PUDP: variants seen among roughly 807,000 people sequenced by gnomAD.
PUDP encodes the protein pseudouridine 5'-phosphatase, also known as pseudouridine-5'-phosphatase.
Under a neutral mutation model 9.4 loss-of-function variants are expected in PUDP, and 8 were observed. The ratio of observed to expected loss-of-function variants is 0.85; its 90% CI spans 0.50 to 1.53. The LOEUF is 1.53. PUDP is among the 40% of genes most tolerant of loss of function. PUDP has a pLI of 0.00. For missense variants in PUDP, 188 were observed against 189.7 expected, an observed-to-expected ratio of 0.99 and a Z score of 0.05; for synonymous variants, 99 against 80.7, an observed-to-expected ratio of 1.23 and a Z score of -1.22.
At chrX:6,751,818 C>T (rs1343498823) in intron 3 of PUDP, among the ~76,000 whole-genome samples, 12 of 110,836 alleles carry the variant, frequency 1.1e-4, no homozygotes, top group South Asian at 7.8e-4. Context: ...GGAATTTAGC[C>T]GAGCACTCAA....
chrX:7,125,030 A>AAC lies in PUDP; in HGVS notation c.62-19193_62-19192insGT, dbSNP rs59567976. 1.3e-4 allele frequency among the ~76,000 whole-genome samples: 14 copies of AAC among 108,996 alleles called. No homozygotes were observed. In the East Asian group the frequency reaches 4.0e-3, roughly 31 times the overall value. 94.6% of individuals were successfully genotyped at this position (108,996 alleles called of 115,157 possible). On this transcript the variant is annotated intron_variant, in intron 1 of 3. Coordinates refer to ENST00000381077, the MANE Select transcript of PUDP (RefSeq NM_012080.5). The stretch of plus-strand genomic sequence containing the variant: ...TGACTTTCAAACATATTAAAAAAAA[A>AAC]CATAAAAAAAACATAAAAATAAACT...
chrX:7,133,243 C>T (rs963246348), intron 1 of PUDP, among the ~76,000 whole-genome samples: 4 of 111,629 alleles, frequency 3.6e-5, no homozygotes, highest in African/African-American at 1.3e-4. Context: ...CACTGGGAAA[C>T]GTAGACAGGA....
rs760485358 is a variant in PUDP at position 6,872,384 on chromosome X, A to C, written c.*247+104749T>G. Among the ~76,000 whole-genome samples the C allele has an allele frequency of 2.0e-4, 22 of 111,188 alleles. No homozygotes were observed. The East Asian group carries it at 5.7e-3, about 29-fold the overall frequency. ...GATCCACCTTAATGACCTCATTTTA[A>C]CGTGATTACCTTTGTAAAGACCCCA... On this transcript the variant is annotated intron_variant and NMD_transcript_variant, in intron 3 of 3. Coordinates refer to the PUDP transcript ENST00000655425.
chrX:6,969,507 T>G (rs1031392205), intron 3 of PUDP, among the ~76,000 whole-genome samples: 9 of 112,256 alleles, frequency 8.0e-5, no homozygotes, highest in African/African-American at 2.3e-4. Flanking sequence ...TAATAACAAC[T>G]GCAGGACACA....
chrX:6,822,931 T>C (rs557492766), intron 3 of PUDP, among the ~76,000 whole-genome samples: 3 of 111,270 alleles, frequency 2.7e-5, no homozygotes, highest in South Asian at 7.6e-4. Context: ...CTGTGTGATA[T>C]AAAAACTAAC....
At chrX:7,104,283 A>T (rs758144281) in intron 2 of PUDP, among the ~76,000 whole-genome samples, 1 of 112,060 alleles carries the variant, frequency 8.9e-6, no homozygotes, top group East Asian at 2.8e-4. Flanking sequence ...CATTATGCTA[A>T]GTGAAATAAA....
intron 3 of PUDP, among the ~76,000 whole-genome samples, chrX:6,835,902 G>C (rs1926574994): frequency 9.4e-6 from 1 of 106,357 alleles, no homozygotes; most frequent in Admixed American, 1.0e-4. Context: ...ACTTTTAGTA[G>C]AAACAAGGGT....
chrX:6,925,069 C>T (rs1366021114), intron 3 of PUDP, among the ~76,000 whole-genome samples: 1 of 112,260 alleles, frequency 8.9e-6, no homozygotes, highest in African/African-American at 3.2e-5. Flanking sequence ...AACCCCAGCA[C>T]TTTGGGAGGC....
chrX:6,758,662 T>G (rs2146673750), intron 3 of PUDP, among the ~76,000 whole-genome samples: 1 of 111,209 alleles, frequency 9.0e-6, no homozygotes, highest in Non-Finnish European at 1.9e-5. Context: ...AAAGGGAGAC[T>G]TACAGACACA....
intron 3 of PUDP, among the ~76,000 whole-genome samples, chrX:6,794,740 A>G (rs1304770500): frequency 9.2e-6 from 1 of 108,754 alleles, no homozygotes. Context: ...TTGTGTTTTT[A>G]GTAGAGAAGG....
chrX:6,886,818 T>C (rs916211028), intron 3 of PUDP, among the ~76,000 whole-genome samples: 42 of 110,539 alleles, frequency 3.8e-4, no homozygotes, highest in African/African-American at 1.3e-3. Context: ...AACTATTGTC[T>C]GATGGAGTGC....
At chrX:6,918,979 G>T (rs767905485) in intron 3 of PUDP, among the ~76,000 whole-genome samples, 179 of 112,190 alleles carry the variant, frequency 1.6e-3, no homozygotes, top group Non-Finnish European at 3.0e-3. Flanking sequence ...CCACCTGTTT[G>T]ATCTACGTTC....
chrX:7,050,452 A>G lies in PUDP; in HGVS notation c.531T>C (p.Ala177=). ...AMEKCLVFED[A]PNGVEAALAA... Reference sequence around the variant, plus strand: ...CCAGGGCCGCCTCCACCCCATTGGGAGCATCTTCAAAGACAAGGCACTGTA... The same window carrying G: ...CCAGGGCCGCCTCCACCCCATTGGGGGCATCTTCAAAGACAAGGCACTGTA... Residue 177 remains alanine (A), a synonymous_variant, in exon 4 of 4, where the codon GCT becomes GCC. Transcript: ENST00000381077. The G allele has an allele frequency of 8.3e-7, 1 of 1,209,583 alleles. No homozygotes were observed. Among genetic ancestry groups the G allele is most frequent in the Non-Finnish European group, 1.1e-6 (1 of 894,688 alleles).
downstream of PUDP, among the ~76,000 whole-genome samples, chrX:7,043,927 T>C (rs1929954078): frequency 4.5e-5 from 5 of 112,357 alleles, no homozygotes; most frequent in South Asian, 1.8e-3. Context: ...ATAAGAACTT[T>C]GAGACTAGAC....
intron 3 of PUDP, among the ~76,000 whole-genome samples, chrX:7,069,482 C>T (rs992901772): frequency 5.5e-5 from 6 of 110,091 alleles, no homozygotes; most frequent in Non-Finnish European, 9.5e-5. Context: ...ATGCCACGTG[C>T]GCTCGGCAGG....
intron 3 of PUDP, among the ~76,000 whole-genome samples, chrX:6,801,598 G>A (rs756339983): frequency 1.1e-4 from 12 of 111,823 alleles, no homozygotes; most frequent in Non-Finnish European, 2.1e-4. Flanking sequence ...CCTTCCATGT[G>A]CCTAAGTGCA....
intron 3 of PUDP, among the ~76,000 whole-genome samples, chrX:6,768,933 C>T (rs1925321070): frequency 8.9e-6 from 1 of 111,791 alleles, no homozygotes; most frequent in Non-Finnish European, 1.9e-5. Context: ...GAGAAAAGGC[C>T]GCCATACCAT....
chrX:6,771,168 C>T (rs1925357662), intron 3 of PUDP, among the ~76,000 whole-genome samples: 1 of 111,555 alleles, frequency 9.0e-6, no homozygotes, highest in Admixed American at 9.5e-5. Context: ...TGCACAGTCA[C>T]AGGAAATGCA....
In PUDP at chrX:6,896,094, T is replaced by A. The variant is rs749210719; in HGVS notation, c.*247+81039A>T. ...TCAGATTATAGCAAGGACCTTTTCA[T>A]TAGTGGATTTGTGAAATCGCTACAA... On this transcript the variant is annotated intron_variant and NMD_transcript_variant, in intron 3 of 3. Coordinates refer to the PUDP transcript ENST00000655425. 7.1e-5 allele frequency among the ~76,000 whole-genome samples: 8 copies of A among 112,134 alleles called. No homozygotes were observed. In the South Asian group the frequency reaches 3.0e-3, roughly 42 times the overall value.
Sources: gnomAD v4.1 joint callset for allele counts (sites outside exome capture counted in the v4.1 genomes callset) on GRCh38, gnomAD v4.1.1 for gene constraint, MANE v1.5 for transcripts, NCBI Gene and HGNC (gene_info 2026-07-23, HGNC 2026-07-21) for gene names.